Variants in GLIS3 observed in about 807,000 individuals in gnomAD.
The protein encoded by GLIS3 is GLIS family zinc finger 3.
In GLIS3, 53 loss-of-function variants were observed where a neutral mutation model predicts 78.6. The ratio of observed to expected loss-of-function variants is 0.67; its 90% CI spans 0.54 to 0.85. The LOEUF is 0.85. Ranked by LOEUF, GLIS3 falls within the 40% of genes least tolerant of loss-of-function variation. The pLI, the probability that GLIS3 is intolerant of heterozygous loss-of-function variation, is 0.00. For missense variants in GLIS3, 1,703 were observed against 1,231.1 expected (o/e 1.38, Z -5.74); for synonymous variants, 684 against 509.9 (o/e 1.34, Z -4.60).
intron 2 of GLIS3, among the ~76,000 whole-genome samples, chr9:4,335,248 T>C (rs184732316): frequency 1.5e-3 from 235 of 152,246 alleles, no homozygotes; most frequent in African/African-American, 5.2e-3. Flanking sequence ...AGTGCCATAA[T>C]TGAAACAAAT....
At chr9:4,087,867 C>T (rs1055598668) in intron 4 of GLIS3, among the ~76,000 whole-genome samples, 8 of 152,194 alleles carry the variant, frequency 5.3e-5, no homozygotes, top group Non-Finnish European at 1.0e-4. Flanking sequence ...TTCTCTTTGG[C>T]CCCTCAACAC....
the GLIS3 span, among the ~76,000 whole-genome samples, chr9:4,457,848 C>CA: frequency 0.55 from 68,092 of 123,084 alleles, 17,589 homozygotes; most frequent in East Asian, 0.61. Flanking sequence ...GACTCCATCT[C>CA]AAAAAAAAAA....
chr9:3,976,839 A>G (rs1189948650), intron 4 of GLIS3, among the ~76,000 whole-genome samples: 2 of 115,924 alleles, frequency 1.7e-5, no homozygotes, highest in Non-Finnish European at 1.8e-5. Flanking sequence ...AAAAAAAAAA[A>G]AAAATCCACA....
At chr9:3,888,258 C>A (rs1396507606) in intron 7 of GLIS3, among the ~76,000 whole-genome samples, 1 of 152,168 alleles carries the variant, frequency 6.6e-6, no homozygotes, top group African/African-American at 2.4e-5. Context: ...GTAAAAAATA[C>A]TGGGTTCCCA....
chr9:3,937,342 T>A (rs574787941), intron 4 of GLIS3, among the ~76,000 whole-genome samples, 153 bp from the exon 5 acceptor site: 18 of 152,210 alleles, frequency 1.2e-4, no homozygotes, highest in African/African-American at 4.3e-4. Flanking sequence ...CTCCTAAAAA[T>A]ATCCGAATAT....
At chr9:4,465,194 G>A in the GLIS3 span, among the ~76,000 whole-genome samples, 1 of 152,222 alleles carries the variant, frequency 6.6e-6, no homozygotes, top group Non-Finnish European at 1.5e-5. Context: ...ACCAGAGAAA[G>A]GATAATCCTG....
the GLIS3 span, among the ~76,000 whole-genome samples, chr9:4,465,308 GA>G: frequency 2.0e-5 from 3 of 152,250 alleles, no homozygotes; most frequent in Non-Finnish European, 2.9e-5. Context: ...GGCACTTTGG[GA>G]GGCCGAGGCA....
At chr9:4,010,352 C>A (rs1282240646) in intron 4 of GLIS3, among the ~76,000 whole-genome samples, 3 of 152,174 alleles carry the variant, frequency 2.0e-5, no homozygotes, top group African/African-American at 7.2e-5. Flanking sequence ...CTTTACAGGA[C>A]AGTTGCAAAT....
rs547297281 is a variant in GLIS3 at position 3,841,642 on chromosome 9, G to C, written c.2474-12150C>G. Among the ~76,000 whole-genome samples the C allele has an allele frequency of 2.0e-5, 3 of 152,298 alleles. No homozygotes were observed. In the South Asian group the frequency reaches 6.2e-4, roughly 32 times the overall value. ...ATCAGAATGAAGGGTGGAGGATTTG[G>C]ATATTCTGTATCTGATGCAGTGTGG... is the stretch of plus-strand genomic sequence containing the variant. On this transcript the variant is annotated intron_variant, in intron 9 of 10. Transcript: ENST00000381971.
chr9:4,411,070 T>C, the GLIS3 span, among the ~76,000 whole-genome samples: 1 of 152,206 alleles, frequency 6.6e-6, no homozygotes, highest in South Asian at 2.1e-4. Flanking sequence ...GATAAAACTA[T>C]TACAATTCAT....
chr9:3,990,549 G>T (rs1165244051), intron 4 of GLIS3, among the ~76,000 whole-genome samples: 1 of 152,150 alleles, frequency 6.6e-6, no homozygotes, highest in Non-Finnish European at 1.5e-5. Context: ...TTCCCATTAA[G>T]TAGGAGTTTA....
chr9:4,387,973 A>G, the GLIS3 span, among the ~76,000 whole-genome samples: 1 of 152,220 alleles, frequency 6.6e-6, no homozygotes, highest in Non-Finnish European at 1.5e-5. Context: ...CTTTTAGAAG[A>G]GTGAAGGCCT....
intron 4 of GLIS3, among the ~76,000 whole-genome samples, chr9:4,096,879 G>A (rs2130782157): frequency 6.6e-6 from 1 of 152,268 alleles, no homozygotes; most frequent in African/African-American, 2.4e-5. Flanking sequence ...AGGCACAGTG[G>A]CAGGCGCCTG....
intron 4 of GLIS3, among the ~76,000 whole-genome samples, chr9:3,989,626 G>A (rs1214206746): frequency 2.6e-5 from 4 of 152,130 alleles, no homozygotes; most frequent in Non-Finnish European, 5.9e-5. Flanking sequence ...AAGCCACTCC[G>A]AAGAAGTTAC....
intron 2 of GLIS3, among the ~76,000 whole-genome samples, chr9:4,187,586 C>A (rs991426724): frequency 1.3e-5 from 2 of 152,156 alleles, no homozygotes; most frequent in African/African-American, 4.8e-5. Flanking sequence ...TGACCTTGGA[C>A]TGTATGGCCA....
chr9:4,153,384 T>G (rs1470359143), intron 2 of GLIS3, among the ~76,000 whole-genome samples: 1 of 152,122 alleles, frequency 6.6e-6, no homozygotes, highest in African/African-American at 2.4e-5. Context: ...GTCAACATGT[T>G]GAAACCCTGT....
At chr9:4,006,342 T>C (rs1055960182) in intron 4 of GLIS3, among the ~76,000 whole-genome samples, 3 of 148,148 alleles carry the variant, frequency 2.0e-5, no homozygotes, top group African/African-American at 7.5e-5. Flanking sequence ...AGAGTATTTC[T>C]AAATCGCAAA....
chr9:4,221,991 C>T (rs1821367749), intron 2 of GLIS3, among the ~76,000 whole-genome samples: 1 of 152,204 alleles, frequency 6.6e-6, no homozygotes, highest in African/African-American at 2.4e-5. Flanking sequence ...TGCCTGTGCA[C>T]AGAACCAGAA....
intron 4 of GLIS3, among the ~76,000 whole-genome samples, chr9:4,084,425 T>A (rs1828841273): frequency 6.6e-6 from 1 of 152,076 alleles, no homozygotes; most frequent in Non-Finnish European, 1.5e-5. Context: ...AAATTGCTAA[T>A]GCTATCAAGC....
Sources: gnomAD v4.1 joint callset for allele counts (sites outside exome capture counted in the v4.1 genomes callset) on GRCh38, gnomAD v4.1.1 for gene constraint, MANE v1.5 for transcripts, NCBI Gene and HGNC (gene_info 2026-07-23, HGNC 2026-07-21) for gene names.